MEIS2: variants seen among roughly 807,000 people sequenced by gnomAD.
MEIS2 encodes Meis homeobox 2.
Under a neutral mutation model 58.6 loss-of-function variants are expected in MEIS2, and 9 were observed. The ratio of observed to expected loss-of-function variants is 0.15; its 90% CI spans 0.09 to 0.27. MEIS2 has a LOEUF of 0.27. MEIS2 is among the 10% of genes least tolerant of loss of function. MEIS2 has a pLI of 1.00. For missense variants in MEIS2, 427 were observed against 635.0 expected (o/e 0.67, Z 3.52); for synonymous variants, 221 against 228.4 (o/e 0.97, Z 0.29).
At chr15:37,096,021 A>G in intron 3 of MEIS2, 2 of 455,052 alleles carry the variant, frequency 4.4e-6, no homozygotes, top group Non-Finnish European at 3.9e-6. Flanking sequence ...GGCGGGGGAA[A>G]AAGGCCAAGC....
intron 9 of MEIS2, among the ~76,000 whole-genome samples, chr15:36,916,049 A>G (rs1440121313): frequency 6.6e-6 from 1 of 152,140 alleles, no homozygotes; most frequent in Non-Finnish European, 1.5e-5. Flanking sequence ...TTAGGTGAAA[A>G]ATTTCAGGTG....
chr15:36,916,448 A>G (rs949663586), intron 9 of MEIS2, among the ~76,000 whole-genome samples: 21 of 151,388 alleles, frequency 1.4e-4, no homozygotes, highest in Non-Finnish European at 1.9e-4. Context: ...AAAAAAAAAA[A>G]AGAGACAGGG....
intron 7 of MEIS2, among the ~76,000 whole-genome samples, chr15:37,060,359 C>T (rs1889043227): frequency 6.6e-6 from 1 of 151,988 alleles, no homozygotes; most frequent in South Asian, 2.1e-4. Context: ...TTGGTGTAAT[C>T]TACAAACTTT....
chr15:36,925,036 C>T (rs1349536437), intron 9 of MEIS2, among the ~76,000 whole-genome samples: 6 of 152,148 alleles, frequency 3.9e-5, no homozygotes, highest in East Asian at 1.9e-4. Context: ...CACCTCGGGA[C>T]GCCTTGCAGG....
At chr15:37,020,660 C>A (rs1334661159) in intron 8 of MEIS2, among the ~76,000 whole-genome samples, 4 of 146,234 alleles carry the variant, frequency 2.7e-5, no homozygotes, top group African/African-American at 1.0e-4. Context: ...TGGCATTACT[C>A]TTGGCATTCT....
intron 8 of MEIS2, among the ~76,000 whole-genome samples, chr15:36,971,537 TAAAAAA>T (rs71126247): frequency 1.5e-4 from 10 of 67,112 alleles, no homozygotes; most frequent in South Asian, 6.5e-4. Flanking sequence ...CTTGTTACAT[TAAAAAA>T]AAAAAAAAAA....
chr15:36,962,193 C>G (rs1299993931), intron 8 of MEIS2, among the ~76,000 whole-genome samples: 5 of 152,206 alleles, frequency 3.3e-5, no homozygotes, highest in Non-Finnish European at 7.3e-5. Flanking sequence ...TCTAGCATTT[C>G]TGATGCCTGG....
At chr15:36,901,448 C>T (rs557323196) in intron 9 of MEIS2, among the ~76,000 whole-genome samples, 10 of 152,280 alleles carry the variant, frequency 6.6e-5, no homozygotes, top group African/African-American at 2.4e-4. Context: ...CTTGGGCACG[C>T]AAATGATGGA....
intron 7 of MEIS2, among the ~76,000 whole-genome samples, chr15:37,072,204 C>T (rs1425740472): frequency 6.6e-6 from 1 of 152,020 alleles, no homozygotes; most frequent in Non-Finnish European, 1.5e-5. Context: ...ATGTAAACCC[C>T]ATCATAAACT....
rs1276131331 is a variant in MEIS2, at chr15:37,099,475, G to T, written c.-9C>A. On this transcript the variant is annotated 5_prime_UTR_variant, in exon 1 of 12. Transcript: ENST00000561208. ...CCTACCCTTTGCGCCATCAGTCTGCGCTCCAATAAACTCCTGGATGTGTCG... is the reference window on the plus strand; with the variant it reads ...CCTACCCTTTGCGCCATCAGTCTGCTCTCCAATAAACTCCTGGATGTGTCG... 6.2e-7 allele frequency: 1 copy of T among 1,613,946 alleles called. No individual in the cohort carries two copies.
rs970947165 is a variant in MEIS2 at position 37,098,213 on chromosome 15, G to C, written c.13-14C>G. On this transcript the variant is annotated splice_polypyrimidine_tract_variant and intron_variant, in intron 1 of 11. Coordinates refer to ENST00000561208, the MANE Select transcript of MEIS2 (RefSeq NM_170675.5). ...CAGCTCATCGTACTGTCAGAACCCG[G>C]GAAGGGGGAGGGGGCGCAGGAGGTG... 1 of 1,575,102 alleles carries C rather than the reference G, an allele frequency of 6.3e-7. No homozygotes were observed. Among genetic ancestry groups the C allele is most frequent in the African/African-American group, 1.3e-5 (1 of 74,338 alleles).
chr15:36,915,440 G>A (rs2057234421), intron 9 of MEIS2, among the ~76,000 whole-genome samples: 1 of 152,084 alleles, frequency 6.6e-6, no homozygotes, highest in African/African-American at 2.4e-5. Flanking sequence ...TTGCCTTTCA[G>A]TGTTTGGGAA....
chr15:36,907,466 T>A (rs2056796309), intron 9 of MEIS2, among the ~76,000 whole-genome samples: 1 of 152,214 alleles, frequency 6.6e-6, no homozygotes, highest in Non-Finnish European at 1.5e-5. Flanking sequence ...CTTTCATTTG[T>A]CTGGGGATCT....
chr15:36,949,829 C>G (rs1378959972), intron 9 of MEIS2, among the ~76,000 whole-genome samples: 1 of 151,920 alleles, frequency 6.6e-6, no homozygotes, highest in South Asian at 2.1e-4. Context: ...AATGGAAAAA[C>G]CTTTTCTCCT....
intron 9 of MEIS2, among the ~76,000 whole-genome samples, chr15:36,915,929 G>T (rs1490028053): frequency 6.6e-6 from 1 of 152,172 alleles, no homozygotes; most frequent in African/African-American, 2.4e-5. Flanking sequence ...GGCATAGATG[G>T]TTGTCAAGCT....
chr15:36,913,217 T>A (rs1056089257), intron 9 of MEIS2, among the ~76,000 whole-genome samples: 2 of 152,252 alleles, frequency 1.3e-5, no homozygotes, highest in Non-Finnish European at 2.9e-5. Context: ...TTAGAGTGGA[T>A]GCTCAATAAA....
chr15:36,925,075 T>C (rs1405857967), intron 9 of MEIS2, among the ~76,000 whole-genome samples: 2 of 152,128 alleles, frequency 1.3e-5, no homozygotes, highest in Non-Finnish European at 2.9e-5. Context: ...CACTGTTTCT[T>C]GTATCCCTCA....
Position 37,098,040 on chromosome 15 carries a change from G to A in MEIS2, c.172C>T (p.Pro58Ser). Reference sequence around the variant, plus strand: ...CCCATACTGGCCGGCATGACATTGGGGTGCGGGGCGTGCGCGCCGTAGTGC... The same window carrying A: ...CCCATACTGGCCGGCATGACATTGGAGTGCGGGGCGTGCGCGCCGTAGTGC... ...TQHYGAHAPH[P>S]NVMPASMGSA... is the part of the protein sequence containing the mutation. Residue 58 changes from proline (P) to serine (S), a missense_variant, in exon 2 of 12, where the codon CCC becomes TCC. By Grantham distance (74) the Pro-to-Ser change is moderately conservative. Transcript: ENST00000561208. The A allele has an allele frequency of 6.2e-7, 1 of 1,613,326 alleles. No individual in the cohort carries two copies. Among genetic ancestry groups the A allele is most frequent in the Non-Finnish European group, 8.5e-7 (1 of 1,179,522 alleles).
chr15:37,025,215 A>T (rs1376611500), intron 8 of MEIS2, among the ~76,000 whole-genome samples: 11 of 152,240 alleles, frequency 7.2e-5, no homozygotes, highest in Non-Finnish European at 1.3e-4. Flanking sequence ...AAACATTAAT[A>T]GACACCAGTT....
Sources: allele counts gnomAD v4.1 joint callset (sites outside exome capture counted in the v4.1 genomes callset), GRCh38; gene constraint gnomAD v4.1.1; transcripts MANE v1.5; gene names NCBI Gene and HGNC (gene_info 2026-07-23, HGNC 2026-07-21).